The following SERGEF variants were observed in gnomAD, a reference collection of about 807,000 sequenced individuals.
SERGEF encodes the protein secretion regulating guanine nucleotide exchange factor.
SERGEF carries 51 observed loss-of-function variants against 50.0 expected under a neutral mutation model. That is an observed-to-expected ratio of 1.02 (90% CI 0.81 to 1.29). SERGEF has a LOEUF of 1.29. Ranked by LOEUF, SERGEF falls within the 50% of genes most tolerant of loss-of-function variation. The probability of loss-of-function intolerance (pLI) is 0.00; values close to 1 mark genes in which losing one functional copy is unlikely to be tolerated. For synonymous variants in SERGEF, 205 were observed against 212.4 expected, an observed-to-expected ratio of 0.97 and a Z score of 0.30; for missense variants, 521 against 557.0, an observed-to-expected ratio of 0.94 and a Z score of 0.65.
chr11:17,799,212 G>A (rs1370839597), intron 10 of SERGEF, among the ~76,000 whole-genome samples: 1 of 152,104 alleles, frequency 6.6e-6, no homozygotes, highest in Non-Finnish European at 1.5e-5. Context: ...CAGAGATGAA[G>A]GGCCCACCAA....
At chr11:17,816,534 T>C (rs1366216884) in intron 10 of SERGEF, among the ~76,000 whole-genome samples, 1 of 152,218 alleles carries the variant, frequency 6.6e-6, no homozygotes, top group Non-Finnish European at 1.5e-5. Context: ...GCTTATTGCC[T>C]CAAAGGCATG....
intron 9 of SERGEF, among the ~76,000 whole-genome samples, chr11:17,936,647 G>A (rs767464931): frequency 5.3e-5 from 8 of 152,090 alleles, no homozygotes; most frequent in Non-Finnish European, 1.0e-4. Context: ...TGATCCAAAC[G>A]TGGCTCCAGC....
At chr11:17,949,433 A>G (rs1024941504) in intron 9 of SERGEF, among the ~76,000 whole-genome samples, 1 of 152,046 alleles carries the variant, frequency 6.6e-6, no homozygotes, top group Non-Finnish European at 1.5e-5. Context: ...AACCCTTGGA[A>G]TCAAGCAGAT....
intron 9 of SERGEF, among the ~76,000 whole-genome samples, chr11:17,899,366 T>G (rs1851703435): frequency 6.6e-6 from 1 of 152,194 alleles, no homozygotes; most frequent in African/African-American, 2.4e-5. Flanking sequence ...ATGTGCCAAG[T>G]ACAATGCTAA....
intron 9 of SERGEF, among the ~76,000 whole-genome samples, chr11:17,899,696 T>C (rs1851708546): frequency 6.6e-6 from 1 of 152,102 alleles, no homozygotes; most frequent in Admixed American, 6.5e-5. Context: ...CTCACACCTG[T>C]AATCCCAGCA....
intron 8 of SERGEF, among the ~76,000 whole-genome samples, chr11:17,966,121 G>A (rs966284511): frequency 2.0e-5 from 3 of 152,054 alleles, no homozygotes; most frequent in African/African-American, 7.2e-5. Flanking sequence ...AATCAAAAAA[G>A]AGAAAGAACA....
chr11:17,870,131 T>A (rs1211599369), intron 10 of SERGEF, among the ~76,000 whole-genome samples: 2 of 152,324 alleles, frequency 1.3e-5, no homozygotes, highest in South Asian at 4.1e-4. Flanking sequence ...TGCCACCTTG[T>A]GAAGAAGGTG....
At chr11:17,863,097 C>G (rs774880346) in intron 10 of SERGEF, among the ~76,000 whole-genome samples, 15 of 152,200 alleles carry the variant, frequency 9.9e-5, no homozygotes, top group Non-Finnish European at 5.9e-5. Flanking sequence ...AGTTTGAATT[C>G]TGGGCTCTAC....
Position 18,012,982 on chromosome 11 carries a change from G to T in SERGEF, c.29C>A (p.Ala10Asp). The change falls in exon 1 of 11, where the codon GCC becomes GAC. Residue 10 changes from alanine to aspartate, a missense_variant. Coordinates refer to ENST00000265965, the MANE Select transcript of SERGEF (RefSeq NM_012139.4). Reference protein sequence around the residue: MEREPSASEAAPAAAALFAW... With the variant: MEREPSASEDAPAAAALFAW... ...GAAGAGCGCGGCCGCCGCGGGGGCG[G>T]CCTCCGAGGCGCTGGGCTCGCGCTC... is the stretch of plus-strand genomic sequence containing the variant. The T allele has an allele frequency of 6.8e-7, 1 of 1,465,306 alleles. No homozygotes were observed. The highest frequency in any genetic ancestry group is 8.9e-7 in the Non-Finnish European group (1 of 1,118,140). The allele number at this position is 1,465,306 out of a possible 1,614,324, so 90.8% of individuals were successfully genotyped here.
At chr11:17,994,711 A>G (rs922840178) in intron 6 of SERGEF, among the ~76,000 whole-genome samples, 7 of 152,052 alleles carry the variant, frequency 4.6e-5, no homozygotes, top group East Asian at 1.9e-4. Context: ...CCCACATCCA[A>G]TGCTCCTTCT....
At chr11:18,008,656 A>C (rs950210252) in intron 1 of SERGEF, among the ~76,000 whole-genome samples, 2 of 151,968 alleles carry the variant, frequency 1.3e-5, no homozygotes, top group Non-Finnish European at 2.9e-5. Flanking sequence ...GGTTCTTCTG[A>C]CTGAGAACAA....
intron 3 of SERGEF, among the ~76,000 whole-genome samples, chr11:18,006,348 G>C (rs1854073722): frequency 6.6e-6 from 1 of 152,116 alleles, no homozygotes; most frequent in Non-Finnish European, 1.5e-5. Flanking sequence ...GCTAATTTTT[G>C]TATTTTTAGT....
intron 10 of SERGEF, among the ~76,000 whole-genome samples, chr11:17,836,504 C>T (rs575921283): frequency 2.2e-4 from 34 of 152,334 alleles, no homozygotes; most frequent in African/African-American, 8.2e-4. Context: ...TTTCCATCAA[C>T]TAGACTATAG....
At chr11:17,807,552 C>A (rs1849785029) in intron 10 of SERGEF, among the ~76,000 whole-genome samples, 1 of 152,258 alleles carries the variant, frequency 6.6e-6, no homozygotes, top group African/African-American at 2.4e-5. Context: ...ACGAAGCAGG[C>A]TGTCCCCAAC....
At chr11:17,862,145 C>T (rs1850937474) in intron 10 of SERGEF, among the ~76,000 whole-genome samples, 2 of 152,174 alleles carry the variant, frequency 1.3e-5, no homozygotes, top group Admixed American at 6.5e-5. Flanking sequence ...GTTTGCCATG[C>T]CTTCTCCATA....
chr11:17,982,858 G>C (rs1396693827), intron 8 of SERGEF, among the ~76,000 whole-genome samples: 1 of 152,046 alleles, frequency 6.6e-6, no homozygotes, highest in Non-Finnish European at 1.5e-5. Flanking sequence ...TCAATCAAAA[G>C]GATATAACCA....
intron 10 of SERGEF, among the ~76,000 whole-genome samples, chr11:17,850,975 G>A (rs1024989069): frequency 2.0e-5 from 3 of 152,126 alleles, no homozygotes; most frequent in African/African-American, 4.8e-5. Flanking sequence ...ACATTCTGCT[G>A]CTTATTCACT....
At chr11:17,877,346 C>A (rs1031701901) in intron 10 of SERGEF, among the ~76,000 whole-genome samples, 1 of 152,092 alleles carries the variant, frequency 6.6e-6, no homozygotes, top group African/African-American at 2.4e-5. Flanking sequence ...TAAAGCCTAG[C>A]GGAGGGCAAT....
intron 10 of SERGEF, among the ~76,000 whole-genome samples, chr11:17,849,597 T>A (rs1439187717): frequency 1.3e-5 from 2 of 151,842 alleles, no homozygotes; most frequent in Admixed American, 6.6e-5. Context: ...CTTGGTAGAC[T>A]GGAAAGAGCA....
Sources: gnomAD v4.1 joint callset for allele counts (sites outside exome capture counted in the v4.1 genomes callset) on GRCh38, gnomAD v4.1.1 for gene constraint, MANE v1.5 for transcripts, NCBI Gene and HGNC (gene_info 2026-07-23, HGNC 2026-07-21) for gene names.